Variants in MAN2A1 observed in about 807,000 individuals in gnomAD.
MAN2A1 encodes the protein alpha-mannosidase 2.
A neutral mutation model predicts 142.6 loss-of-function variants in MAN2A1; 76 were observed. The observed-to-expected ratio is 0.53, with a 90% CI of 0.44 to 0.65. MAN2A1 has a LOEUF of 0.65. MAN2A1 is among the 30% of genes least tolerant of loss of function. The probability of loss-of-function intolerance (pLI) is 0.00; values close to 1 mark genes in which losing one functional copy is unlikely to be tolerated. For synonymous variants in MAN2A1, 559 were observed against 473.2 expected, an observed-to-expected ratio of 1.18 and a Z score of -2.35; for missense variants, 1,311 against 1,365.1, an observed-to-expected ratio of 0.96 and a Z score of 0.62.
At chr5:109,696,496 C>T (rs10056314) in intron 1 of MAN2A1, among the ~76,000 whole-genome samples, 5,139 of 152,274 alleles carry the variant, frequency 0.034, 278 homozygotes, top group African/African-American at 0.12. Context: ...CATACTCTAC[C>T]ATTTGCTGCC....
intron 1 of MAN2A1, among the ~76,000 whole-genome samples, chr5:109,696,222 T>A (rs1750807741): frequency 6.6e-6 from 1 of 151,996 alleles, no homozygotes; most frequent in African/African-American, 2.4e-5. Flanking sequence ...TGCCTCAGCC[T>A]CCCGAGTAGC....
intron 12 of MAN2A1, among the ~76,000 whole-genome samples, chr5:109,798,157 G>T (rs1282083127): frequency 6.6e-6 from 1 of 152,166 alleles, no homozygotes; most frequent in Non-Finnish European, 1.5e-5. Context: ...AGTTTTGATA[G>T]AATTTAACAG....
At chr5:109,807,127 T>G (rs1754185941) in intron 12 of MAN2A1, among the ~76,000 whole-genome samples, 1 of 152,162 alleles carries the variant, frequency 6.6e-6, no homozygotes. Flanking sequence ...TTTTCCCTTG[T>G]GAATACAGGA....
intron 16 of MAN2A1, among the ~76,000 whole-genome samples, chr5:109,825,434 T>C (rs1235304154): frequency 2.0e-5 from 3 of 152,214 alleles, no homozygotes; most frequent in Non-Finnish European, 2.9e-5. Context: ...CAACTCTTCC[T>C]AAAATTCCAA....
rs529256416 is a variant in MAN2A1 at position 109,739,760 on chromosome 5, A to ATT, written c.707+10247_707+10248insTT. On this transcript the variant is annotated intron_variant, in intron 4 of 21. Coordinates refer to ENST00000261483, the MANE Select transcript of MAN2A1 (RefSeq NM_002372.4). Reference sequence around the variant, plus strand: ...TGTGGGTACTAGTTATTACTGGCTGACCAGCATCCACTTCACCTGATTTCC... The same window carrying ATT: ...TGTGGGTACTAGTTATTACTGGCTGATTCCAGCATCCACTTCACCTGATTTCC... Among the ~76,000 whole-genome samples the ATT allele has an allele frequency of 5.5e-3, 830 of 152,290 alleles. 17 individuals carry two copies. The highest frequency in any genetic ancestry group is 0.052 in the East Asian group (266 of 5,164).
At chr5:109,857,234 G>A (rs751678085) in intron 20 of MAN2A1, among the ~76,000 whole-genome samples, 4 of 152,186 alleles carry the variant, frequency 2.6e-5, no homozygotes, top group Non-Finnish European at 5.9e-5. Context: ...CTATATCCCC[G>A]TGAAGAAGAG....
At chr5:109,735,251 T>G (rs571659943) in intron 4 of MAN2A1, among the ~76,000 whole-genome samples, 1 of 152,144 alleles carries the variant, frequency 6.6e-6, no homozygotes, top group Non-Finnish European at 1.5e-5. Flanking sequence ...CCTTTTATTT[T>G]GAGCCTATGT....
At chr5:109,847,813 A>G in intron 19 of MAN2A1, 23 bp downstream of exon 19, 1 of 1,474,848 alleles carries the variant, frequency 6.8e-7, no homozygotes, top group South Asian at 1.5e-5. Context: ...AACTAGCATG[A>G]TCTGATATTG....
intron 3 of MAN2A1, among the ~76,000 whole-genome samples, chr5:109,728,503 G>A (rs1751809756): frequency 1.3e-5 from 2 of 151,962 alleles, no homozygotes; most frequent in South Asian, 2.1e-4. Context: ...GGCTGTGTAC[G>A]TTTTTGCTTG....
chr5:109,823,002 T>A (rs1334667667), intron 15 of MAN2A1, among the ~76,000 whole-genome samples: 1 of 152,214 alleles, frequency 6.6e-6, no homozygotes, highest in Non-Finnish European at 1.5e-5. Flanking sequence ...GTTTAAGTAG[T>A]TCATATTGCA....
At chr5:109,739,933 A>G (rs1752219331) in intron 4 of MAN2A1, among the ~76,000 whole-genome samples, 1 of 152,188 alleles carries the variant, frequency 6.6e-6, no homozygotes, top group Non-Finnish European at 1.5e-5. Flanking sequence ...GGGCTGACAG[A>G]TGGAGGGAGG....
At chr5:109,853,260 G>A (rs1216021980) in intron 19 of MAN2A1, among the ~76,000 whole-genome samples, 1 of 152,134 alleles carries the variant, frequency 6.6e-6, no homozygotes, top group African/African-American at 2.4e-5. Context: ...GGGTCATGGA[G>A]CAGTGTGCGG....
At chr5:109,722,251 C>T (rs1751625427) in intron 3 of MAN2A1, among the ~76,000 whole-genome samples, 1 of 152,140 alleles carries the variant, frequency 6.6e-6, no homozygotes, top group Non-Finnish European at 1.5e-5. Context: ...CATCTCACTG[C>T]ACTATCTCCT....
intron 5 of MAN2A1, 56 bp downstream of exon 5, chr5:109,755,512 G>C (rs757111005): frequency 1.9e-5 from 26 of 1,380,512 alleles, no homozygotes; most frequent in Non-Finnish European, 2.6e-5. Context: ...TTTTCGGGAT[G>C]TGAAGTGAGG....
intron 12 of MAN2A1, among the ~76,000 whole-genome samples, chr5:109,812,295 C>T (rs545479705): frequency 6.6e-6 from 1 of 151,846 alleles, no homozygotes; most frequent in South Asian, 2.1e-4. Flanking sequence ...ATGTGTCTGA[C>T]TCAAGAGCCC....
chr5:109,752,803 A>G (rs959583027), intron 4 of MAN2A1, among the ~76,000 whole-genome samples: 3 of 152,224 alleles, frequency 2.0e-5, no homozygotes, highest in Admixed American at 1.3e-4. Context: ...TTAAGTACAG[A>G]TAAGAATTCA....
intron 4 of MAN2A1, among the ~76,000 whole-genome samples, chr5:109,732,095 C>T (rs1214921395): frequency 2.0e-5 from 3 of 151,800 alleles, no homozygotes; most frequent in African/African-American, 4.8e-5. Context: ...TTTTGATTTG[C>T]ATTTCTCTGA....
chr5:109,767,810 A>G (rs1406138472), intron 6 of MAN2A1, 102 bp downstream of exon 6: 5 of 943,534 alleles, frequency 5.3e-6, no homozygotes, highest in Admixed American at 2.3e-5. Flanking sequence ...GTCAGTCTTG[A>G]AAAATCAGGT....
chr5:109,801,426 A>G (rs148811903), intron 12 of MAN2A1, among the ~76,000 whole-genome samples: 2 of 152,340 alleles, frequency 1.3e-5, no homozygotes, highest in East Asian at 1.9e-4. Context: ...ACTGTGCCAC[A>G]TGTCTGCATC....
Sources: gnomAD v4.1 joint callset for allele counts (sites outside exome capture counted in the v4.1 genomes callset) on GRCh38, gnomAD v4.1.1 for gene constraint, MANE v1.5 for transcripts, NCBI Gene and HGNC (gene_info 2026-07-23, HGNC 2026-07-21) for gene names.